CSMD1: variants seen among roughly 807,000 people sequenced by gnomAD.
CSMD1 encodes the protein CUB and Sushi multiple domains 1.
Under a neutral mutation model 417.5 loss-of-function variants are expected in CSMD1, and 213 were observed. That is an observed-to-expected ratio of 0.51 (90% CI 0.46 to 0.57). CSMD1 has a LOEUF of 0.57. CSMD1 is among the 20% of genes least tolerant of loss of function. The pLI is 0.00. For missense variants in CSMD1, 6,923 were observed against 4,529.7 expected (o/e 1.53, Z -15.17); for synonymous variants, 2,862 against 1,736.8 (o/e 1.65, Z -16.11).
chr8:4,948,096 G>A (rs1371824633), intron 1 of CSMD1, among the ~76,000 whole-genome samples: 1 of 151,720 alleles, frequency 6.6e-6, no homozygotes, highest in South Asian at 2.1e-4. Context: ...TTTTTTAAGT[G>A]CCAATTATTT....
chr8:3,638,610 C>T (rs980566275), intron 7 of CSMD1, among the ~76,000 whole-genome samples: 1 of 152,202 alleles, frequency 6.6e-6, no homozygotes, highest in Admixed American at 6.5e-5. Flanking sequence ...TGCTACCTTT[C>T]TCCTGCCCAG....
chr8:4,685,418 A>G (rs1806305692), intron 1 of CSMD1, among the ~76,000 whole-genome samples: 1 of 152,048 alleles, frequency 6.6e-6, no homozygotes, highest in African/African-American at 2.4e-5. Flanking sequence ...TACTAAAAAT[A>G]CAAAATACTA....
chr8:4,354,161 T>C (rs76427863), intron 3 of CSMD1, among the ~76,000 whole-genome samples: 27 of 152,178 alleles, frequency 1.8e-4, no homozygotes, highest in Admixed American at 4.6e-4. Context: ...GTAAAAATTA[T>C]AGCATATTCC....
chr8:4,169,019 C>G lies in CSMD1; in HGVS notation c.416-136920G>C, dbSNP rs563221159. Among the ~76,000 whole-genome samples the G allele has an allele frequency of 3.3e-5, 5 of 152,262 alleles. No individual in the cohort carries two copies. The South Asian group carries it at 1.0e-3, about 32-fold the overall frequency. On this transcript the variant is annotated intron_variant, in intron 3 of 69. Coordinates refer to ENST00000635120, the MANE Select transcript of CSMD1 (RefSeq NM_033225.6). ...ATCTTATCAGCCGCTTACTCTTACT[C>G]TGTTCCAGTTGCTGGTTTCTTCTTT... is the stretch of plus-strand genomic sequence containing the variant.
At chr8:3,996,439 T>G (rs538016614) in intron 5 of CSMD1, among the ~76,000 whole-genome samples, 72 of 73,638 alleles carry the variant, frequency 9.8e-4, no homozygotes, top group East Asian at 8.8e-3. Flanking sequence ...AAATTCATTT[T>G]TAAGATTTTT....
At chr8:3,580,891 A>T (rs966770494) in intron 9 of CSMD1, among the ~76,000 whole-genome samples, 5 of 152,224 alleles carry the variant, frequency 3.3e-5, no homozygotes, top group Admixed American at 3.3e-4. Context: ...AAGCTGTAAA[A>T]GTTTTTGGTA....
chr8:4,064,816 TTATATC>T (rs895536861), intron 3 of CSMD1, among the ~76,000 whole-genome samples: 1 of 152,158 alleles, frequency 6.6e-6, no homozygotes, highest in Non-Finnish European at 1.5e-5. Context: ...ATCTTGTTAT[TTATATC>T]TATATCATGT....
intron 54 of CSMD1, among the ~76,000 whole-genome samples, chr8:2,994,249 G>C (rs1001159542): frequency 1.3e-5 from 2 of 151,078 alleles, no homozygotes; most frequent in Non-Finnish European, 3.0e-5. Flanking sequence ...AGTAGCCTAA[G>C]TAGTTGACCT....
chr8:3,205,094 G>C (rs111674651), intron 31 of CSMD1, among the ~76,000 whole-genome samples: 1 of 152,164 alleles, frequency 6.6e-6, no homozygotes, highest in East Asian at 1.9e-4. Flanking sequence ...CAGTGATTTC[G>C]ATCATGATCT....
intron 7 of CSMD1, among the ~76,000 whole-genome samples, chr8:3,631,824 G>A (rs1796797851): frequency 6.6e-6 from 1 of 152,086 alleles, no homozygotes. Flanking sequence ...GTCAACAAGT[G>A]ACTTGACATT....
chr8:4,235,039 T>C (rs1420869947), intron 3 of CSMD1, among the ~76,000 whole-genome samples: 2 of 152,186 alleles, frequency 1.3e-5, no homozygotes, highest in Non-Finnish European at 2.9e-5. Context: ...GTCTTCAACA[T>C]TCGAATTTAA....
intron 5 of CSMD1, among the ~76,000 whole-genome samples, chr8:3,812,099 C>T (rs946107270): frequency 6.6e-6 from 1 of 152,028 alleles, no homozygotes; most frequent in African/African-American, 2.4e-5. Context: ...TAAAAAGCTA[C>T]ACAATAATTT....
At chr8:3,385,302 C>T (rs1183740301) in intron 18 of CSMD1, among the ~76,000 whole-genome samples, 1 of 148,128 alleles carries the variant, frequency 6.8e-6, no homozygotes, top group African/African-American at 2.5e-5. Context: ...TAGGCCTTTA[C>T]ATTTCTTGCT....
rs1800527386 is a variant in CSMD1, at chr8:4,836,890, T to C, written c.85+157442A>G. On this transcript the variant is annotated intron_variant, in intron 1 of 69. Coordinates refer to ENST00000635120, the MANE Select transcript of CSMD1 (RefSeq NM_033225.6). ...CAAAGCTTAGAGCCACCTCTCACTC[T>C]GTCTGAGGCTATGGTTGCTGCTGTG... Among the ~76,000 whole-genome samples, 3 of 152,100 alleles carry C rather than the reference T, an allele frequency of 2.0e-5. No homozygotes were observed. The South Asian group carries it at 6.2e-4, about 32-fold the overall frequency.
chr8:4,627,150 G>A (rs981571548), intron 2 of CSMD1, among the ~76,000 whole-genome samples: 36 of 152,166 alleles, frequency 2.4e-4, no homozygotes, highest in African/African-American at 8.2e-4. Context: ...AATATTATGC[G>A]ATGAAAACTC....
chr8:3,284,985 T>A (rs1029299426), intron 25 of CSMD1, among the ~76,000 whole-genome samples: 2 of 152,170 alleles, frequency 1.3e-5, no homozygotes, highest in Non-Finnish European at 2.9e-5. Context: ...TTTTTCAGAG[T>A]GACTTAAAAA....
chr8:3,949,875 G>A, intron 5 of CSMD1: 3 of 455,580 alleles, frequency 6.6e-6, no homozygotes, highest in South Asian at 1.6e-5. Context: ...TCCTCATTCA[G>A]CCCCAATTCA....
At chr8:3,861,156 C>G (rs1585103818) in intron 5 of CSMD1, among the ~76,000 whole-genome samples, 1 of 152,252 alleles carries the variant, frequency 6.6e-6, no homozygotes, top group South Asian at 2.1e-4. Context: ...AACACACTGT[C>G]CTTGGTTCCT....
chr8:3,572,259 C>A (rs111336810), intron 10 of CSMD1, among the ~76,000 whole-genome samples: 1 of 152,294 alleles, frequency 6.6e-6, no homozygotes, highest in Non-Finnish European at 1.5e-5. Flanking sequence ...AAGACTCCTG[C>A]AGGCTTTGCA....
Sources: allele counts gnomAD v4.1 joint callset (sites outside exome capture counted in the v4.1 genomes callset), GRCh38; gene constraint gnomAD v4.1.1; transcripts MANE v1.5; gene names NCBI Gene and HGNC (gene_info 2026-07-23, HGNC 2026-07-21).